Variants in TRPM7 observed in about 807,000 individuals in gnomAD.
TRPM7 encodes the protein LTRPC ion channel family member 7.
Under a neutral mutation model 229.7 loss-of-function variants are expected in TRPM7, and 134 were observed. That is an observed-to-expected ratio of 0.58 (90% CI 0.51 to 0.67). The LOEUF is 0.67. TRPM7 is among the 30% of genes least tolerant of loss of function. TRPM7 has a pLI of 0.00. For missense variants in TRPM7, 1,901 were observed against 2,210.0 expected, an observed-to-expected ratio of 0.86 and a Z score of 2.80; for synonymous variants, 699 against 715.2, an observed-to-expected ratio of 0.98 and a Z score of 0.36.
At chr15:50,643,107 G>A (rs945664424) in intron 5 of TRPM7, among the ~76,000 whole-genome samples, 2 of 152,022 alleles carry the variant, frequency 1.3e-5, no homozygotes, top group Non-Finnish European at 1.5e-5. Context: ...TGACCAATAT[G>A]GTGAAACCTC....
intron 1 of TRPM7, among the ~76,000 whole-genome samples, chr15:50,675,191 A>C (rs929997630): frequency 6.6e-6 from 1 of 152,096 alleles, no homozygotes; most frequent in Admixed American, 6.6e-5. Flanking sequence ...AAAAATATAA[A>C]AATTAGCTGG....
At chr15:50,601,599 G>A (rs893349134) in intron 21 of TRPM7, among the ~76,000 whole-genome samples, 34 of 151,984 alleles carry the variant, frequency 2.2e-4, no homozygotes, top group African/African-American at 7.7e-4. Flanking sequence ...CACAGATCGC[G>A]CCACTGAACT....
chr15:50,676,914 C>G (rs545588825), intron 1 of TRPM7, among the ~76,000 whole-genome samples: 14 of 152,298 alleles, frequency 9.2e-5, no homozygotes, highest in Middle Eastern at 3.4e-3. Context: ...AGATCGTACA[C>G]ATGGGGCAGC....
intron 3 of TRPM7, among the ~76,000 whole-genome samples, chr15:50,651,561 C>T (rs1172319571): frequency 6.6e-6 from 1 of 152,080 alleles, no homozygotes; most frequent in Non-Finnish European, 1.5e-5. Context: ...CTTTGGGAGG[C>T]CGAGGCAGGT....
intron 30 of TRPM7, among the ~76,000 whole-genome samples, chr15:50,578,988 T>C (rs2140294314): frequency 6.6e-6 from 1 of 152,280 alleles, no homozygotes; most frequent in South Asian, 2.1e-4. Flanking sequence ...TTCGTGGAGA[T>C]TCATTCCAGT....
chr15:50,654,619 TGG>T (rs2061507226), intron 3 of TRPM7, among the ~76,000 whole-genome samples: 1 of 151,324 alleles, frequency 6.6e-6, no homozygotes, highest in Non-Finnish European at 1.5e-5. Context: ...AGAGTGCACA[TGG>T]TGCATCTCAG....
chr15:50,573,678 T>C (rs1227014616), intron 36 of TRPM7, among the ~76,000 whole-genome samples: 1 of 152,248 alleles, frequency 6.6e-6, no homozygotes, highest in Non-Finnish European at 1.5e-5. Flanking sequence ...ACGGTCTTTA[T>C]ACTTTTGAAA....
intron 1 of TRPM7, among the ~76,000 whole-genome samples, chr15:50,681,098 A>C (rs756649136): frequency 2.6e-5 from 4 of 152,146 alleles, no homozygotes; most frequent in Non-Finnish European, 5.9e-5. Context: ...CAAAAATACA[A>C]AAATTAGCCG....
intron 1 of TRPM7, among the ~76,000 whole-genome samples, chr15:50,666,424 G>C (rs1030314042): frequency 6.6e-6 from 1 of 151,656 alleles, no homozygotes; most frequent in African/African-American, 2.4e-5. Flanking sequence ...CTGGGTGACA[G>C]AATGAGAGAA....
chr15:50,622,370 G>A (rs1455179194), intron 12 of TRPM7, among the ~76,000 whole-genome samples: 1 of 152,180 alleles, frequency 6.6e-6, no homozygotes, highest in African/African-American at 2.4e-5. Context: ...GATGCTGAAA[G>A]TAACTACAGT....
intron 4 of TRPM7, 129 bp from the exon 5 acceptor site, chr15:50,643,682 A>C: frequency 1.5e-6 from 1 of 662,400 alleles, no homozygotes; most frequent in Non-Finnish European, 2.6e-6. Flanking sequence ...GGCTATTTTC[A>C]ATATATTTAT....
chr15:50,669,508 G>C (rs2061946239), intron 1 of TRPM7, among the ~76,000 whole-genome samples: 1 of 152,170 alleles, frequency 6.6e-6, no homozygotes, highest in South Asian at 2.1e-4. Flanking sequence ...TTATGGAACA[G>C]AGTTCCATCA....
intron 21 of TRPM7, among the ~76,000 whole-genome samples, chr15:50,599,997 A>G (rs2059732905): frequency 6.6e-6 from 1 of 152,354 alleles, no homozygotes; most frequent in Middle Eastern, 3.4e-3. Flanking sequence ...TCATTGTTAA[A>G]TTACAATGTA....
chr15:50,595,746 C>A (rs1380345228), intron 23 of TRPM7, among the ~76,000 whole-genome samples: 3 of 152,056 alleles, frequency 2.0e-5, no homozygotes, highest in African/African-American at 7.2e-5. Flanking sequence ...CACCTGTAAT[C>A]CCAGCTACTC....
intron 13 of TRPM7, among the ~76,000 whole-genome samples, chr15:50,618,340 G>A (rs2060286485): frequency 1.3e-5 from 2 of 152,016 alleles, no homozygotes; most frequent in Non-Finnish European, 2.9e-5. Context: ...GGAGGCCAAG[G>A]AGGGCAGATC....
chr15:50,617,176 AAAT>A (rs1567018130), intron 13 of TRPM7, among the ~76,000 whole-genome samples: 2 of 134,836 alleles, frequency 1.5e-5, no homozygotes, highest in Non-Finnish European at 3.2e-5. Context: ...ATAAATAAAT[AAAT>A]AAAATAAATT....
In TRPM7 at chr15:50,686,712, T is replaced by C. The variant is rs1596363851; in HGVS notation, c.-179A>G. ...CGGCGCTAGCAGCAGAAGCCGAGTC[T>C]TTCATAATTGTGCGACCAACTCCTC... On this transcript the variant is annotated 5_prime_UTR_variant, in exon 1 of 39. Coordinates refer to ENST00000646667, the MANE Select transcript of TRPM7 (RefSeq NM_017672.6). 7 of 796,060 alleles carry C rather than the reference T, an allele frequency of 8.8e-6. No individual in the cohort carries two copies. The East Asian group carries it at 2.2e-4, about 25-fold the overall frequency. 49.3% of individuals were successfully genotyped at this position (796,060 alleles called of 1,614,324 possible).
At chr15:50,586,614 T>C in intron 27 of TRPM7, 126 bp from the exon 28 acceptor site, 1 of 608,444 alleles carries the variant, frequency 1.6e-6, no homozygotes, top group East Asian at 2.9e-5. Context: ...TGGACACCAA[T>C]GGGTGTATTA....
intron 3 of TRPM7, among the ~76,000 whole-genome samples, chr15:50,653,321 T>C (rs1343550479): frequency 6.6e-6 from 1 of 152,166 alleles, no homozygotes; most frequent in African/African-American, 2.4e-5. Context: ...CAAAACTGAA[T>C]GTCTGTTCAT....
Sources: allele counts gnomAD v4.1 joint callset (sites outside exome capture counted in the v4.1 genomes callset), GRCh38; gene constraint gnomAD v4.1.1; transcripts MANE v1.5; gene names NCBI Gene and HGNC (gene_info 2026-07-23, HGNC 2026-07-21).